Variants in ARK2N observed in about 807,000 individuals in gnomAD.
ARK2N encodes the protein arkadia (RNF111) N-terminal like PKA signaling regulator 2N.
At chr18:46,254,258 C>G in the ARK2N span, among the ~76,000 whole-genome samples, 2 of 152,178 alleles carry the variant, frequency 1.3e-5, no homozygotes, top group African/African-American at 2.4e-5. Context: ...TAGAGCAACT[C>G]TCCTTGTCTT....
At chr18:46,243,157 G>A in the ARK2N span, among the ~76,000 whole-genome samples, 1 of 152,240 alleles carries the variant, frequency 6.6e-6, no homozygotes, top group South Asian at 2.1e-4. Flanking sequence ...GTCTTGATGT[G>A]ATTATCATAG....
chr18:46,239,101 G>C, the ARK2N span, among the ~76,000 whole-genome samples: 2 of 152,110 alleles, frequency 1.3e-5, no homozygotes, highest in African/African-American at 4.8e-5. Flanking sequence ...TCTTAAAAAA[G>C]GGGTAGAATT....
At chr18:46,176,628 AT>A in the ARK2N span, among the ~76,000 whole-genome samples, 230 of 144,666 alleles carry the variant, frequency 1.6e-3, no homozygotes, top group African/African-American at 3.5e-3. Context: ...CTAATTTTTA[AT>A]TTTTTTTTTT....
chr18:46,186,498 A>AT, the ARK2N span, among the ~76,000 whole-genome samples: 4,085 of 81,808 alleles, frequency 0.05, 168 homozygotes, highest in Non-Finnish European at 0.064. Context: ...CCAACTGGTG[A>AT]TTTTTTTTTT....
chr18:46,214,832 T>C, the ARK2N span, among the ~76,000 whole-genome samples: 1 of 152,214 alleles, frequency 6.6e-6, no homozygotes, highest in Non-Finnish European at 1.5e-5. Context: ...AACACTAGAC[T>C]CAAATTCAGC....
At chr18:46,216,752 A>G in the ARK2N span, 1 of 659,786 alleles carries the variant, frequency 1.5e-6, no homozygotes, top group East Asian at 2.8e-5. The surrounding 1 kb of genome is among the most constrained non-coding windows in gnomAD (Gnocchi z 4.3). Flanking sequence ...GCCAATTTAT[A>G]AAACCTGTTC....
At chr18:46,250,601 C>T in the ARK2N span, among the ~76,000 whole-genome samples, 1 of 151,724 alleles carries the variant, frequency 6.6e-6, no homozygotes, top group African/African-American at 2.4e-5. Flanking sequence ...GTTTTGTTGC[C>T]TCCAGTATTT....
chr18:46,223,625 G>A, the ARK2N span, among the ~76,000 whole-genome samples: 1 of 152,136 alleles, frequency 6.6e-6, no homozygotes, highest in Non-Finnish European at 1.5e-5. Flanking sequence ...GCTCAATAGA[G>A]CATTTCATAA....
the ARK2N span, among the ~76,000 whole-genome samples, chr18:46,246,235 G>T: frequency 7.4e-4 from 113 of 152,242 alleles, no homozygotes; most frequent in Non-Finnish European, 1.3e-3. Flanking sequence ...GTCCTCCATG[G>T]GGGGTGAGGC....
At chr18:46,221,147 A>G in the ARK2N span, among the ~76,000 whole-genome samples, 2 of 151,882 alleles carry the variant, frequency 1.3e-5, no homozygotes, top group Non-Finnish European at 1.5e-5. Flanking sequence ...AAAAAATCCA[A>G]ACAAAAACAA....
At chr18:46,227,712 C>T in the ARK2N span, among the ~76,000 whole-genome samples, 527 of 152,266 alleles carry the variant, frequency 3.5e-3, 4 homozygotes, top group African/African-American at 0.012. Flanking sequence ...ATTCTCCTGC[C>T]TCAGCCTCCT....
chr18:46,219,867 C>G, the ARK2N span, among the ~76,000 whole-genome samples: 2 of 152,116 alleles, frequency 1.3e-5, no homozygotes, highest in Non-Finnish European at 2.9e-5. Flanking sequence ...GTCAGTTTCT[C>G]TGTAAAAGCA....
chr18:46,258,917 C>T, the ARK2N span, among the ~76,000 whole-genome samples: 1 of 151,942 alleles, frequency 6.6e-6, no homozygotes, highest in African/African-American at 2.4e-5. Context: ...TTTTCCCTAT[C>T]TGGTATAAAT....
At chr18:46,201,051 C>T in the ARK2N span, among the ~76,000 whole-genome samples, 2 of 149,244 alleles carry the variant, frequency 1.3e-5, no homozygotes, top group African/African-American at 4.9e-5. Context: ...ATGATCACAG[C>T]TCACTGCATC....
the ARK2N span, among the ~76,000 whole-genome samples, chr18:46,188,904 T>C: frequency 6.6e-6 from 1 of 151,700 alleles, no homozygotes; most frequent in Non-Finnish European, 1.5e-5. Context: ...GTGACACATA[T>C]CTGGGCTTCA....
chr18:46,240,322 T>C, the ARK2N span: 1 of 944,116 alleles, frequency 1.1e-6, no homozygotes, highest in Non-Finnish European at 1.5e-6. Flanking sequence ...GTTGTGACTA[T>C]CCAGGCTGCC....
At chr18:46,192,353 C>A in the ARK2N span, among the ~76,000 whole-genome samples, 1 of 151,866 alleles carries the variant, frequency 6.6e-6, no homozygotes, top group African/African-American at 2.4e-5. Context: ...GTGGGCAGAT[C>A]ACAAGGTCAG....
the ARK2N span, among the ~76,000 whole-genome samples, chr18:46,202,604 G>A: frequency 9.2e-5 from 14 of 152,002 alleles, no homozygotes; most frequent in East Asian, 5.8e-4. Context: ...CCTGACCAAC[G>A]TAGCGAAACC....
the ARK2N span, chr18:46,228,677 C>T: frequency 2.5e-6 from 1 of 396,204 alleles, no homozygotes; most frequent in Non-Finnish European, 4.4e-6. Context: ...CCTCTGCCTC[C>T]CAGGTTCAAG....
Sources: gnomAD v4.1 joint callset for allele counts (sites outside exome capture counted in the v4.1 genomes callset) on GRCh38, gnomAD v4.1.1 for gene constraint, Gnocchi (gnomAD v3.1) non-coding constraint, MANE v1.5 for transcripts, NCBI Gene and HGNC (gene_info 2026-07-23, HGNC 2026-07-21) for gene names.